Variants in CCDC7 observed in about 807,000 individuals in gnomAD.
CCDC7 encodes coiled-coil domain-containing protein 7.
In CCDC7, 183 loss-of-function variants were observed where a neutral mutation model predicts 196.9. The observed-to-expected ratio is 0.93, with a 90% CI of 0.82 to 1.05. The LOEUF (loss-of-function observed/expected upper bound fraction) is 1.05. Ranked by LOEUF, CCDC7 falls within the 50% of genes least tolerant of loss-of-function variation. CCDC7 has a pLI of 0.00. For missense variants in CCDC7, 1,540 were observed against 1,482.2 expected (o/e 1.04, Z -0.64); for synonymous variants, 525 against 484.6 (o/e 1.08, Z -1.10).
Position 32,852,522 on chromosome 10 carries a change from G to A in CCDC7, c.4021+590G>A, listed in dbSNP as rs529890105. 4.5e-4 allele frequency among the ~76,000 whole-genome samples: 68 copies of A among 151,920 alleles called. 1 individual carries two copies. The highest frequency in any genetic ancestry group is 1.3e-3 in the African/African-American group (53 of 41,440). On this transcript the variant is annotated intron_variant, in intron 40 of 41. Transcript: ENST00000639629. ...TTTATAAACGGAGTCTTGCTCTGTC[G>A]CCCAGGCTGGAGTGCAGTGGCATGA...
intron 21 of CCDC7, among the ~76,000 whole-genome samples, chr10:32,682,544 G>A (rs1358179740): frequency 6.6e-6 from 1 of 152,158 alleles, no homozygotes; most frequent in Non-Finnish European, 1.5e-5. Context: ...TCAAATGGTA[G>A]TTCTAAGTTC....
At chr10:32,543,555 GC>G (rs2051878624) in intron 12 of CCDC7, among the ~76,000 whole-genome samples, 170 bp downstream of exon 13, 1 of 151,974 alleles carries the variant, frequency 6.6e-6, no homozygotes, top group Admixed American at 6.6e-5. Context: ...ATGGGATAAA[GC>G]TAAAAAGGGA....
intron 9 of CCDC7, chr10:32,514,588 C>G (rs1433991633): frequency 6.6e-6 from 1 of 152,086 alleles, no homozygotes; most frequent in Non-Finnish European, 1.5e-5. Flanking sequence ...TTTTAAATCA[C>G]CCATATGTGG....
At chr10:32,875,628 T>G (rs1428597618) in intron 41 of CCDC7, among the ~76,000 whole-genome samples, 1 of 152,030 alleles carries the variant, frequency 6.6e-6, no homozygotes, top group Non-Finnish European at 1.5e-5. Context: ...CTATCATAGC[T>G]TATGAGCCTC....
chr10:32,574,202 G>A (rs1201992051), intron 16 of CCDC7, among the ~76,000 whole-genome samples: 3 of 151,476 alleles, frequency 2.0e-5, no homozygotes, highest in Admixed American at 6.6e-5. Flanking sequence ...CATTTTGTTT[G>A]CATCCTAGAC....
chr10:32,564,282 C>T (rs867098791), intron 13 of CCDC7, among the ~76,000 whole-genome samples: 38 of 152,162 alleles, frequency 2.5e-4, no homozygotes, highest in Middle Eastern at 3.4e-3. Flanking sequence ...ACCATTTGAC[C>T]CAGCCATCCC....
At chr10:32,540,868 T>C (rs1240361988) in intron 11 of CCDC7, among the ~76,000 whole-genome samples, 1 of 152,170 alleles carries the variant, frequency 6.6e-6, no homozygotes, top group Non-Finnish European at 1.5e-5. Context: ...TCTTCTTATG[T>C]AATACCTTTC....
At position 32,653,561 on chromosome 10, in the gene CCDC7, A is replaced by G. The variant is rs567114466; in HGVS notation, c.2015-10493A>G. ...AGTTCTTGTGAAGGTGTATTCTTGC[A>G]TGGATAGTCATTCAATTTGATGTTC... is the stretch of plus-strand genomic sequence containing the variant. On this transcript the variant is annotated intron_variant, in intron 20 of 41. Coordinates refer to ENST00000639629, the Ensembl canonical transcript of CCDC7. Among the ~76,000 whole-genome samples, 5 of 152,292 alleles carry G rather than the reference A, an allele frequency of 3.3e-5. No homozygotes were observed. In the South Asian group the frequency reaches 6.2e-4, roughly 19 times the overall value.
At chr10:32,702,897 G>C (rs1005133412) in intron 24 of CCDC7, among the ~76,000 whole-genome samples, 3 of 151,984 alleles carry the variant, frequency 2.0e-5, no homozygotes, top group Non-Finnish European at 4.4e-5. Flanking sequence ...TTTACTTTGA[G>C]CCTATGTGTG....
intron 20 of CCDC7, among the ~76,000 whole-genome samples, chr10:32,639,350 T>C (rs2066282027): frequency 6.6e-6 from 1 of 152,222 alleles, no homozygotes; most frequent in African/African-American, 2.4e-5. Flanking sequence ...AGATCTTTCC[T>C]GCTTTCTCTT....
intron 31 of CCDC7, among the ~76,000 whole-genome samples, chr10:32,820,275 A>G (rs1269430087): frequency 6.6e-6 from 1 of 152,246 alleles, no homozygotes; most frequent in Non-Finnish European, 1.5e-5. Context: ...GGACCTCTTC[A>G]AGGAGCACTA....
intron 18 of CCDC7, among the ~76,000 whole-genome samples, chr10:32,601,884 A>G (rs1203663013): frequency 6.6e-6 from 1 of 152,090 alleles, no homozygotes; most frequent in East Asian, 1.9e-4. Flanking sequence ...AAATGGACCA[A>G]TCAGTGCTCT....
intron 28 of CCDC7, among the ~76,000 whole-genome samples, chr10:32,772,089 AGGTGGGAACTGGGTCT>A (rs761946904): frequency 1.3e-5 from 2 of 152,226 alleles, no homozygotes; most frequent in Non-Finnish European, 2.9e-5. Flanking sequence ...GGGCAAAGCC[AGGTGGGAACTGGGTCT>A]GGTGGGTTTG....
chr10:32,463,116 A>G, intron 5 of CCDC7, 67 bp downstream of exon 6: 1 of 1,583,912 alleles, frequency 6.3e-7, no homozygotes, highest in Non-Finnish European at 8.6e-7. Context: ...AATTTGGATT[A>G]TGTATAAGTT....
intron 41 of CCDC7, among the ~76,000 whole-genome samples, chr10:32,867,655 A>T (rs2094251977): frequency 6.6e-6 from 1 of 151,742 alleles, no homozygotes; most frequent in South Asian, 2.1e-4. Context: ...AGAAGAAATT[A>T]AAATAGAAAT....
chr10:32,554,332 G>A (rs779365798), intron 13 of CCDC7, among the ~76,000 whole-genome samples: 2 of 152,218 alleles, frequency 1.3e-5, no homozygotes, highest in Non-Finnish European at 2.9e-5. Context: ...GTTCTGGCCA[G>A]GAGGTTTCTT....
In CCDC7 at chr10:32,737,522, A is replaced by G. The variant is rs145938626; in HGVS notation, c.2905+8065A>G. Among the ~76,000 whole-genome samples the G allele has an allele frequency of 5.9e-3, 905 of 152,322 alleles. 9 individuals are homozygous for G. Among genetic ancestry groups the G allele is most frequent in the African/African-American group, 0.021 (864 of 41,586 alleles). ...CTGCTGTTTTTGAATGGAATAATCT[A>G]TAAGCATCAATTAGATCCAGTTGAT... is the stretch of plus-strand genomic sequence containing the variant. On this transcript the variant is annotated intron_variant, in intron 28 of 41. Transcript: ENST00000639629.
chr10:32,563,545 G>A (rs2056183771), intron 13 of CCDC7, among the ~76,000 whole-genome samples: 1 of 152,120 alleles, frequency 6.6e-6, no homozygotes, highest in Admixed American at 6.5e-5. Flanking sequence ...AATAAGCAAT[G>A]GGGAAAGGAT....
intron 25 of CCDC7, among the ~76,000 whole-genome samples, chr10:32,722,860 A>G (rs966391837): frequency 3.9e-5 from 6 of 152,098 alleles, no homozygotes; most frequent in Non-Finnish European, 8.8e-5. Context: ...GGCCCAAGAA[A>G]TGCAATGCTC....
Sources: gnomAD v4.1 joint callset for allele counts (sites outside exome capture counted in the v4.1 genomes callset) on GRCh38, gnomAD v4.1.1 for gene constraint, MANE v1.5 for transcripts, NCBI Gene and HGNC (gene_info 2026-07-23, HGNC 2026-07-21) for gene names.